The following TBC1D4 variants were observed in gnomAD, a reference collection of about 807,000 sequenced individuals.
TBC1D4 encodes the protein TBC (Tre-2, BUB2, CDC16) domain-containing protein.
TBC1D4 carries 121 observed loss-of-function variants against 142.5 expected under a neutral mutation model. The ratio of observed to expected loss-of-function variants is 0.85; its 90% CI spans 0.73 to 0.99. The LOEUF is 0.99. Ranked by LOEUF, TBC1D4 falls within the 50% of genes least tolerant of loss-of-function variation. TBC1D4 has a pLI of 0.00. For missense variants in TBC1D4, 1,475 were observed against 1,606.6 expected (o/e 0.92, Z 1.40); for synonymous variants, 630 against 628.2 (o/e 1.00, Z -0.04).
rs77335467 is a variant in TBC1D4 at position 75,347,160 on chromosome 13, C to T, written c.1408+2010G>A. Among the ~76,000 whole-genome samples the T allele has an allele frequency of 7.3e-3, 1,113 of 151,666 alleles. 12 individuals carry two copies. The highest frequency in any genetic ancestry group is 0.026 in the African/African-American group (1,050 of 40,976). On this transcript the variant is annotated intron_variant, in intron 5 of 20. Transcript: ENST00000377636. ...TACACTCCCATCAGTATTACACAAACGTATTACATAACCATACAATTTCTC... is the reference window on the plus strand; with the variant it reads ...TACACTCCCATCAGTATTACACAAATGTATTACATAACCATACAATTTCTC...
chr13:75,326,091 C>T, intron 10 of TBC1D4, 106 bp downstream of exon 10: 2 of 1,326,002 alleles, frequency 1.5e-6, no homozygotes, highest in Non-Finnish European at 2.1e-6. Flanking sequence ...TTTCTCAAAA[C>T]TAAAAGTTGG....
intron 5 of TBC1D4, among the ~76,000 whole-genome samples, chr13:75,345,664 G>A (rs1025440998): frequency 1.1e-4 from 17 of 152,082 alleles, no homozygotes; most frequent in Non-Finnish European, 1.9e-4. Flanking sequence ...AGGCCAAGGC[G>A]GGCGGATTGC....
intron 14 of TBC1D4, among the ~76,000 whole-genome samples, chr13:75,309,323 C>T (rs1331247066): frequency 6.6e-6 from 1 of 151,920 alleles, no homozygotes; most frequent in African/African-American, 2.4e-5. Flanking sequence ...GCACCACAAA[C>T]AGTACAAAAT....
chr13:75,423,133 C>A (rs1272905245), intron 1 of TBC1D4, among the ~76,000 whole-genome samples: 2 of 152,136 alleles, frequency 1.3e-5, no homozygotes, highest in Non-Finnish European at 2.9e-5. Context: ...AAACTAGAAA[C>A]ATTAGCCCAA....
chr13:75,293,086 C>G (rs930719422), intron 18 of TBC1D4, among the ~76,000 whole-genome samples: 1 of 152,154 alleles, frequency 6.6e-6, no homozygotes, highest in Non-Finnish European at 1.5e-5. Context: ...ACCCAGGAGG[C>G]AGAGGTTGCA....
At chr13:75,385,882 G>C (rs933518045) in intron 1 of TBC1D4, among the ~76,000 whole-genome samples, 2 of 152,120 alleles carry the variant, frequency 1.3e-5, no homozygotes, top group Non-Finnish European at 2.9e-5. Context: ...TTCCAGTCTT[G>C]AGATGATAAC....
intron 17 of TBC1D4, among the ~76,000 whole-genome samples, chr13:75,295,313 G>A (rs748367997): frequency 6.6e-6 from 1 of 152,082 alleles, no homozygotes; most frequent in Non-Finnish European, 1.5e-5. Flanking sequence ...ATTGCTTTTG[G>A]AATTTAATGA....
intron 1 of TBC1D4, among the ~76,000 whole-genome samples, chr13:75,409,649 G>A (rs1273632799): frequency 2.0e-5 from 3 of 152,036 alleles, no homozygotes; most frequent in East Asian, 1.9e-4. Context: ...TAAAATACAC[G>A]GAATCTTAAA....
chr13:75,420,350 T>C (rs550681753), intron 1 of TBC1D4, among the ~76,000 whole-genome samples: 1 of 152,040 alleles, frequency 6.6e-6, no homozygotes, highest in East Asian at 1.9e-4. Flanking sequence ...GCCACAAAAA[T>C]AGTTACAAAA....
At chr13:75,451,332 C>T (rs1342204822) in intron 1 of TBC1D4, among the ~76,000 whole-genome samples, 1 of 151,952 alleles carries the variant, frequency 6.6e-6, no homozygotes, top group Non-Finnish European at 1.5e-5. Context: ...TTCTTGTAAT[C>T]AAATGCTGTA....
At chr13:75,368,214 G>A (rs527604182) in intron 1 of TBC1D4, among the ~76,000 whole-genome samples, 47 of 152,224 alleles carry the variant, frequency 3.1e-4, no homozygotes, top group African/African-American at 1.1e-3. Flanking sequence ...AAAACTAAGG[G>A]TCTCCTTAAG....
rs1043446337 is a variant in TBC1D4, at chr13:75,286,021, A to C, written c.*771T>G. On this transcript the variant is annotated 3_prime_UTR_variant, in exon 21 of 21. Coordinates refer to ENST00000377636, the MANE Select transcript of TBC1D4 (RefSeq NM_014832.5). ...AGGTGTGATATTTTTAGTTTGAGTA[A>C]TAATGCTGGTCTAGTTTGCTAAAAA... 5 of 152,662 alleles carry C rather than the reference A, an allele frequency of 3.3e-5. No homozygotes were observed. The highest frequency in any genetic ancestry group is 1.3e-4 in the Admixed American group (2 of 15,282). The allele number at this position is 152,662 out of a possible 1,614,324, so 9.5% of individuals were successfully genotyped here. A position where few individuals can be genotyped will look rare whatever the true frequency, so the allele number is the denominator to read the frequency against.
intron 1 of TBC1D4, among the ~76,000 whole-genome samples, chr13:75,428,826 C>T (rs978489430): frequency 1.3e-5 from 2 of 152,172 alleles, no homozygotes; most frequent in African/African-American, 2.4e-5. Flanking sequence ...ATGCCACCCT[C>T]GCTGCAACCC....
intron 1 of TBC1D4, among the ~76,000 whole-genome samples, chr13:75,387,520 T>C (rs529143126): frequency 2.6e-5 from 4 of 152,336 alleles, no homozygotes; most frequent in East Asian, 3.9e-4. Context: ...TGGGGAAATA[T>C]TGGTTCACTG....
At chr13:75,357,484 C>T (rs1882145197) in intron 3 of TBC1D4, among the ~76,000 whole-genome samples, 1 of 152,178 alleles carries the variant, frequency 6.6e-6, no homozygotes, top group Non-Finnish European at 1.5e-5. Context: ...CTTCTCACCT[C>T]CCCAACTCCA....
chr13:75,413,377 G>A (rs1236272896), intron 1 of TBC1D4, among the ~76,000 whole-genome samples: 1 of 152,104 alleles, frequency 6.6e-6, no homozygotes, highest in African/African-American at 2.4e-5. Context: ...GGCCAGGGTG[G>A]TCTCGATCTC....
intron 1 of TBC1D4, among the ~76,000 whole-genome samples, chr13:75,456,955 G>A (rs1434824953): frequency 1.3e-5 from 2 of 151,874 alleles, no homozygotes; most frequent in Non-Finnish European, 2.9e-5. Flanking sequence ...ATAAAAAAGG[G>A]CAAGTTTCTG....
chr13:75,395,071 C>A (rs140435845), intron 1 of TBC1D4, among the ~76,000 whole-genome samples: 11 of 152,190 alleles, frequency 7.2e-5, no homozygotes, highest in African/African-American at 2.6e-4. Context: ...TGTGTGAAAT[C>A]AAAAAATATT....
chr13:75,352,737 T>C (rs9543907), intron 4 of TBC1D4, among the ~76,000 whole-genome samples: 62,743 of 152,050 alleles, frequency 0.41, 15,174 homozygotes, highest in East Asian at 0.69. Flanking sequence ...ACTATACTGT[T>C]TACAAATTCA....
Sources: gnomAD v4.1 joint callset for allele counts (sites outside exome capture counted in the v4.1 genomes callset) on GRCh38, gnomAD v4.1.1 for gene constraint, MANE v1.5 for transcripts, NCBI Gene and HGNC (gene_info 2026-07-23, HGNC 2026-07-21) for gene names.